The following SYT2 variants were observed in gnomAD, a reference collection of about 807,000 sequenced individuals.
SYT2 encodes the protein synaptotagmin-2.
SYT2 carries 15 observed loss-of-function variants against 39.9 expected under a neutral mutation model. That is an observed-to-expected ratio of 0.38 (90% CI 0.25 to 0.58). The LOEUF (loss-of-function observed/expected upper bound fraction) is 0.58. Among genes scored for constraint, SYT2 ranks in the 20% least tolerant of loss-of-function variants. The probability of loss-of-function intolerance (pLI) is 0.70; values close to 1 mark genes in which losing one functional copy is unlikely to be tolerated. For synonymous variants in SYT2, 181 were observed against 204.5 expected (o/e 0.89, Z 0.98); for missense variants, 389 against 530.3 (o/e 0.73, Z 2.62).
intron 1 of SYT2, among the ~76,000 whole-genome samples, chr1:202,629,631 T>G: frequency 6.6e-6 from 1 of 152,188 alleles, no homozygotes; most frequent in East Asian, 1.9e-4. Flanking sequence ...CCTAGTGTGG[T>G]GGCTCACACC....
intron 1 of SYT2, among the ~76,000 whole-genome samples, chr1:202,695,920 T>C (rs1475886316): frequency 6.6e-6 from 1 of 152,262 alleles, no homozygotes; most frequent in East Asian, 1.9e-4. Context: ...CCATTTGTGA[T>C]ACCACGGTCC....
intron 1 of SYT2, among the ~76,000 whole-genome samples, chr1:202,696,219 G>A (rs1256710912): frequency 2.0e-5 from 3 of 152,080 alleles, no homozygotes; most frequent in South Asian, 4.1e-4. Flanking sequence ...AACCCAAATC[G>A]TGCCTCCCAG....
In SYT2 at chr1:202,666,330, T is replaced by C. The variant is rs1237590597; in HGVS notation, c.-18+43928A>G. On this transcript the variant is annotated intron_variant, in intron 1 of 8. Transcript: ENST00000367268. ...TCAGAATCTAGATCCAGTTTGCTGG[T>C]GAAAATGGTAGCATTCTCTTCCCTC... Among the ~76,000 whole-genome samples, 3 of 152,232 alleles carry C rather than the reference T, an allele frequency of 2.0e-5. No homozygotes were observed. In the East Asian group the frequency reaches 5.8e-4, roughly 29 times the overall value.
At chr1:202,613,548 T>C (rs1396950963) in intron 1 of SYT2, among the ~76,000 whole-genome samples, 1 of 152,204 alleles carries the variant, frequency 6.6e-6, no homozygotes, top group Non-Finnish European at 1.5e-5. Context: ...TGAACAGAAG[T>C]GGTGACAGTG....
intron 1 of SYT2, among the ~76,000 whole-genome samples, chr1:202,687,507 C>T (rs6693751): frequency 0.26 from 39,638 of 151,818 alleles, 5,508 homozygotes; most frequent in East Asian, 0.37. Flanking sequence ...TTCAGCTGAG[C>T]GTGACAACTG....
intron 1 of SYT2, chr1:202,627,443 A>G (rs1233491950): frequency 1.0e-6 from 1 of 985,192 alleles, no homozygotes; most frequent in Non-Finnish European, 1.2e-6. Context: ...AGAAACCCCA[A>G]AGCCAAAAGA....
rs2149070963 is a variant in SYT2 at position 202,604,506 on chromosome 1, C to T, written c.294G>A (p.Lys98=). 6.2e-7 allele frequency: 1 copy of T among 1,614,244 alleles called. No individual in the cohort carries two copies. Among genetic ancestry groups the T allele is most frequent in the Non-Finnish European group, 8.5e-7 (1 of 1,180,046 alleles). Residue 98 remains lysine, a synonymous_variant, in exon 3 of 9, where the codon AAG becomes AAA. Coordinates refer to ENST00000367268, the MANE Select transcript of SYT2 (RefSeq NM_177402.5). ...TCATGGCATTCTTCATGCCTTTGCC[C>T]TTCTCCTTCTTGTTCTTCTTCTTCT... ...CCKKKKNKKE[K]GKGMKNAMNM... is the part of the protein sequence containing the mutation.
intron 1 of SYT2, among the ~76,000 whole-genome samples, chr1:202,705,995 G>C (rs1654240849): frequency 1.3e-5 from 2 of 152,056 alleles, no homozygotes; most frequent in African/African-American, 4.8e-5. Flanking sequence ...ACCTGGCCTG[G>C]GGAGTCCTTC....
chr1:202,660,845 C>T (rs1692362533), intron 1 of SYT2, among the ~76,000 whole-genome samples: 1 of 152,090 alleles, frequency 6.6e-6, no homozygotes. Context: ...GAGCCCATCG[C>T]TCCCAGGTAA....
chr1:202,644,286 C>G (rs1346935587), intron 1 of SYT2, among the ~76,000 whole-genome samples: 1 of 151,592 alleles, frequency 6.6e-6, no homozygotes, highest in African/African-American at 2.4e-5. Flanking sequence ...AGACAGGAAC[C>G]CAGCAGAAGG....
intron 1 of SYT2, among the ~76,000 whole-genome samples, chr1:202,636,816 G>A (rs953818475): frequency 1.3e-5 from 2 of 152,198 alleles, no homozygotes; most frequent in African/African-American, 4.8e-5. Context: ...ATGCCAACCT[G>A]ATGGCAAGCT....
intron 1 of SYT2, among the ~76,000 whole-genome samples, chr1:202,650,932 AAGG>A (rs1553340393): frequency 6.6e-6 from 1 of 152,120 alleles, no homozygotes; most frequent in Non-Finnish European, 1.5e-5. Context: ...AGCGTGGAAG[AAGG>A]AGGACGCTGG....
intron 1 of SYT2, among the ~76,000 whole-genome samples, chr1:202,620,476 T>C (rs1691174211): frequency 6.6e-6 from 1 of 151,972 alleles, no homozygotes; most frequent in Non-Finnish European, 1.5e-5. Flanking sequence ...CTTTTTTTTT[T>C]TCTATCATGT....
chr1:202,608,282 C>CTTT lies in SYT2; in HGVS notation c.-17-2494_-17-2493insAAA, dbSNP rs754166760. Among the ~76,000 whole-genome samples the CTTT allele has an allele frequency of 5.3e-5, 6 of 113,416 alleles. 1 individual carries two copies. The highest frequency in any genetic ancestry group is 3.0e-4 in the South Asian group (1 of 3,386). The allele number at this position is 113,416 out of a possible 152,430, so 74.4% of individuals were successfully genotyped here. On this transcript the variant is annotated intron_variant, in intron 1 of 8. Transcript: ENST00000367268. ...AGTATTCCATTGTGTAGATAGAAAA[C>CTTT]ATTTTTTTTTTTTTTTGAGACAGGG...
chr1:202,643,863 A>C (rs1364684142), intron 1 of SYT2, among the ~76,000 whole-genome samples: 1 of 151,854 alleles, frequency 6.6e-6, no homozygotes, highest in African/African-American at 2.4e-5. Context: ...CACTCCTGCA[A>C]CACTCCCCAC....
chr1:202,687,748 G>A (rs979106247), intron 1 of SYT2, among the ~76,000 whole-genome samples: 7 of 151,862 alleles, frequency 4.6e-5, no homozygotes, highest in East Asian at 1.9e-4. Flanking sequence ...GGCTCAGACC[G>A]GGGGGATCAA....
intron 1 of SYT2, among the ~76,000 whole-genome samples, chr1:202,666,527 C>T (rs1039265944): frequency 6.6e-6 from 1 of 152,178 alleles, no homozygotes; most frequent in Non-Finnish European, 1.5e-5. Context: ...GAGAAGAGAA[C>T]AATCTCTCCG....
intron 1 of SYT2, among the ~76,000 whole-genome samples, chr1:202,699,795 C>G (rs1654066685): frequency 6.6e-6 from 1 of 151,614 alleles, no homozygotes; most frequent in Admixed American, 6.6e-5. Flanking sequence ...GCTGCACAGG[C>G]ACTGGGCTCT....
intron 1 of SYT2, among the ~76,000 whole-genome samples, chr1:202,671,843 C>T (rs1340035981): frequency 6.6e-6 from 1 of 152,144 alleles, no homozygotes. Flanking sequence ...CCCAGGCACA[C>T]TGCAGAAGCT....
Sources: gnomAD v4.1 joint callset for allele counts (sites outside exome capture counted in the v4.1 genomes callset) on GRCh38, gnomAD v4.1.1 for gene constraint, MANE v1.5 for transcripts, NCBI Gene and HGNC (gene_info 2026-07-23, HGNC 2026-07-21) for gene names.